PRSS53: variants seen among roughly 807,000 people sequenced by gnomAD.
PRSS53 encodes the protein serine protease 53, also known as EDTP308.
Under a neutral mutation model 62.7 loss-of-function variants are expected in PRSS53, and 54 were observed. That is an observed-to-expected ratio of 0.86 (90% CI 0.69 to 1.08). The LOEUF is 1.08. PRSS53 is among the 50% of genes least tolerant of loss of function. PRSS53 has a pLI of 0.00. For missense variants in PRSS53, 688 were observed against 728.3 expected (o/e 0.94, Z 0.64); for synonymous variants, 273 against 300.0 (o/e 0.91, Z 0.93).
chr16:31,085,818 G>T, intron 6 of PRSS53, 146 bp downstream of exon 6: 1 of 699,914 alleles, frequency 1.4e-6, no homozygotes, highest in Non-Finnish European at 2.4e-6. Flanking sequence ...GTGCCTCTCA[G>T]CCCTAACAGG....
At position 31,086,770 on chromosome 16, in the gene PRSS53, C is replaced by G. The variant is rs561799109; in HGVS notation, c.371G>C (p.Ser124Thr). 1.5e-5 allele frequency: 25 copies of G among 1,612,978 alleles called. No homozygotes were observed. In the African/African-American group the frequency reaches 3.1e-4, roughly 20 times the overall value. Residue 124 changes from serine (S) to threonine (T), a missense_variant, in exon 4 of 11, where the codon AGC (serine) becomes ACC (threonine). Ser to Thr is a moderately conservative substitution (Grantham distance 58). Transcript: ENST00000280606. ...CAGCAGGGCCAGGTCTGAGCCCTGGCTGTAGTGGTTATAGGCCCTGGGCAA... is the reference window on the plus strand; with the variant it reads ...CAGCAGGGCCAGGTCTGAGCCCTGGGTGTAGTGGTTATAGGCCCTGGGCAA...
At chr16:31,087,911 GC>G in intron 1 of PRSS53, 85 bp from the exon 2 acceptor site, 2 of 1,580,736 alleles carry the variant, frequency 1.3e-6, no homozygotes, top group Non-Finnish European at 1.7e-6. Flanking sequence ...TGGGGGGCGG[GC>G]CCAGGGTCCT....
At chr16:31,083,529 G>A (rs943959601) in exon 11 of PRSS53, 2 of 1,385,622 alleles carry the variant, frequency 1.4e-6, no homozygotes, top group Non-Finnish European at 1.9e-6. Flanking sequence ...TGGCGTGATT[G>A]TATCTGAAAG....
exon 11 of PRSS53, chr16:31,083,643 G>A: frequency 6.5e-7 from 1 of 1,530,478 alleles, no homozygotes; most frequent in Non-Finnish European, 8.8e-7. Flanking sequence ...GGCACCTGTG[G>A]CCCCAGGCAG....
chr16:31,086,281 C>T, intron 5 of PRSS53, 56 bp downstream of exon 5: 1 of 1,584,234 alleles, frequency 6.3e-7, no homozygotes, highest in South Asian at 1.1e-5. Context: ...TGAGTCCAAC[C>T]CCCAGCCCAG....
intron 10 of PRSS53, 71 bp downstream of exon 10, chr16:31,084,048 G>C: frequency 2.0e-6 from 3 of 1,523,824 alleles, no homozygotes; most frequent in Non-Finnish European, 2.6e-6. Flanking sequence ...GGGTTAGAAC[G>C]GCACGTTCTC....
chr16:31,084,904 G>T, exon 8 of PRSS53: 1 of 1,543,954 alleles, frequency 6.5e-7, no homozygotes. Flanking sequence ...CCAGCAGCAG[G>T]AGGGCCATGT....
chr16:31,086,386 G>A (rs2057233799), exon 5 of PRSS53: 2 of 1,613,942 alleles, frequency 1.2e-6, no homozygotes, highest in Admixed American at 1.7e-5. Context: ...TAGCATCCCA[G>A]GCCGGGCCGG....
chr16:31,086,435 A>G, exon 5 of PRSS53: 4 of 1,614,066 alleles, frequency 2.5e-6, no homozygotes, highest in Non-Finnish European at 3.4e-6. Flanking sequence ...TTGTAGATAC[A>G]GTTACATGTG....
In PRSS53 at chr16:31,087,713, T is replaced by C. The variant is rs771352259; in HGVS notation, c.80-14A>G. 6.8e-6 allele frequency: 11 copies of C among 1,613,558 alleles called. No homozygotes were observed. Among genetic ancestry groups the C allele is most frequent in the Non-Finnish European group, 9.3e-6 (11 of 1,179,822 alleles). On this transcript the variant is annotated splice_polypyrimidine_tract_variant and intron_variant, in intron 2 of 10. Transcript: ENST00000280606. The stretch of plus-strand genomic sequence containing the variant: ...GCTGTCCACAGGCTGTGGAAAGGAG[T>C]TAGTCACACTGACAGCAGATACCTG...
chr16:31,085,902 A>G (rs775853401), intron 6 of PRSS53, 62 bp downstream of exon 6: 47 of 1,460,154 alleles, frequency 3.2e-5, no homozygotes, highest in Non-Finnish European at 4.4e-5. Flanking sequence ...CCAGTTCTCT[A>G]GTCCTAACTG....
Position 31,088,324 on chromosome 16 carries a change from G to A in PRSS53, c.58+428C>T, listed in dbSNP as rs555074381. 2.5e-5 allele frequency: 28 copies of A among 1,112,690 alleles called. No homozygotes were observed. In the Admixed American group the frequency reaches 3.6e-4, roughly 14 times the overall value. 68.9% of individuals were successfully genotyped at this position (1,112,690 alleles called of 1,614,324 possible). Reference sequence around the variant, plus strand: ...CTTCCCAGAAACTGTCTGAGAGCCCGCCAGAGAGAGGGCCCCTGCCCACCG... The same window carrying A: ...CTTCCCAGAAACTGTCTGAGAGCCCACCAGAGAGAGGGCCCCTGCCCACCG... On this transcript the variant is annotated intron_variant, in intron 1 of 10. Transcript: ENST00000280606.
exon 10 of PRSS53, chr16:31,084,312 C>T (rs189739590): frequency 1.7e-4 from 273 of 1,612,744 alleles, no homozygotes; most frequent in Admixed American, 5.0e-4. Flanking sequence ...TCACCTCATG[C>T]ACCAGTGGTG....
chr16:31,087,375 G>A (rs2057245246), intron 3 of PRSS53, 162 bp downstream of exon 3: 1 of 625,376 alleles, frequency 1.6e-6, no homozygotes, highest in Admixed American at 3.1e-5. Flanking sequence ...ATGAAAGGTG[G>A]TTGTTACAAT....
At chr16:31,084,205 T>A in exon 10 of PRSS53, 1 of 1,611,284 alleles carries the variant, frequency 6.2e-7, no homozygotes, top group South Asian at 1.1e-5. Context: ...GCTGACCCAG[T>A]CCTCATAGGC....
At chr16:31,088,621 G>A (rs2057258927) in intron 1 of PRSS53, 131 bp downstream of exon 1, 7 of 1,528,366 alleles carry the variant, frequency 4.6e-6, no homozygotes, top group Admixed American at 2.0e-5. Flanking sequence ...AGAGTCCTAC[G>A]GAGTTACATC....
intron 1 of PRSS53, chr16:31,088,505 A>T: frequency 7.2e-7 from 1 of 1,394,822 alleles, no homozygotes; most frequent in South Asian, 1.6e-5. Flanking sequence ...ACACGCAGGC[A>T]GCACCTCACA....
intron 1 of PRSS53, chr16:31,088,203 G>A (rs2057254530): frequency 8.3e-7 from 1 of 1,200,908 alleles, no homozygotes; most frequent in Non-Finnish European, 1.0e-6. Flanking sequence ...AGAGGCCTAA[G>A]AGGAAGGATT....
At chr16:31,084,250 C>T (rs752914181) in exon 10 of PRSS53, 2 of 1,611,902 alleles carry the variant, frequency 1.2e-6, no homozygotes, top group South Asian at 1.1e-5. Context: ...CCTGGCGGGG[C>T]CTTGGCAAGC....
Sources: allele counts gnomAD v4.1 joint callset, GRCh38; gene constraint gnomAD v4.1.1; transcripts MANE v1.5; gene names NCBI Gene and HGNC (gene_info 2026-07-23, HGNC 2026-07-21).